The following PXDNL variants were observed in gnomAD, a reference collection of about 807,000 sequenced individuals.
PXDNL encodes peroxidasin like, also known as probable oxidoreductase PXDNL.
PXDNL carries 145 observed loss-of-function variants against 150.8 expected under a neutral mutation model. That is an observed-to-expected ratio of 0.96 (90% confidence interval 0.84 to 1.10). The LOEUF (loss-of-function observed/expected upper bound fraction) is 1.10, where lower values mean the gene tolerates loss of function less well. Among genes scored for constraint, PXDNL ranks in the 50% least tolerant of loss-of-function variants. The probability of loss-of-function intolerance (pLI) is 0.00; values close to 1 mark genes in which losing one functional copy is unlikely to be tolerated. For missense variants in PXDNL, 2,087 were observed against 1,873.9 expected, an observed-to-expected ratio of 1.11 and a Z score of -2.10; for synonymous variants, 757 against 725.7, an observed-to-expected ratio of 1.04 and a Z score of -0.69.
chr8:51,588,316 A>C (rs1813370801), intron 3 of PXDNL, among the ~76,000 whole-genome samples: 1 of 152,234 alleles, frequency 6.6e-6, no homozygotes, highest in Non-Finnish European at 1.5e-5. Flanking sequence ...GTTACTTGGC[A>C]ATGTTATTGA....
chr8:51,611,447 T>C (rs1813998171), intron 2 of PXDNL, among the ~76,000 whole-genome samples: 1 of 152,376 alleles, frequency 6.6e-6, no homozygotes, highest in Non-Finnish European at 1.5e-5. Context: ...TATTTTATGA[T>C]AAATGTTTAA....
intron 4 of PXDNL, among the ~76,000 whole-genome samples, chr8:51,536,917 T>C (rs1246309230): frequency 1.3e-5 from 2 of 152,188 alleles, no homozygotes; most frequent in Non-Finnish European, 2.9e-5. Context: ...CTGAACTCAA[T>C]GTTTATAAAA....
At chr8:51,699,944 G>T (rs1816218108) in intron 1 of PXDNL, among the ~76,000 whole-genome samples, 1 of 152,062 alleles carries the variant, frequency 6.6e-6, no homozygotes, top group South Asian at 2.1e-4. Flanking sequence ...AAAGACCACT[G>T]ACCACAGACC....
At chr8:51,662,094 A>T (rs1815284672) in intron 1 of PXDNL, among the ~76,000 whole-genome samples, 1 of 152,186 alleles carries the variant, frequency 6.6e-6, no homozygotes, top group South Asian at 2.1e-4. Flanking sequence ...AGGAGAGCTG[A>T]GACTTGCTCT....
At chr8:51,679,907 CAT>C (rs1368068240) in intron 1 of PXDNL, among the ~76,000 whole-genome samples, 1 of 152,204 alleles carries the variant, frequency 6.6e-6, no homozygotes, top group Admixed American at 6.5e-5. Flanking sequence ...TTTGTGCACT[CAT>C]AACTCTCTCC....
chr8:51,537,826 G>A (rs1466878348), intron 4 of PXDNL, among the ~76,000 whole-genome samples: 4 of 151,618 alleles, frequency 2.6e-5, no homozygotes, highest in Non-Finnish European at 5.9e-5. Flanking sequence ...TTCATGCGGT[G>A]CCCAAAAAAG....
At chr8:51,554,537 C>T (rs1206507794) in intron 4 of PXDNL, among the ~76,000 whole-genome samples, 4 of 152,134 alleles carry the variant, frequency 2.6e-5, no homozygotes, top group Non-Finnish European at 5.9e-5. Context: ...ATCTTTAAAT[C>T]ATTCATCTCT....
intron 2 of PXDNL, among the ~76,000 whole-genome samples, chr8:51,652,063 G>T (rs932378041): frequency 5.3e-5 from 8 of 152,028 alleles, no homozygotes. Context: ...CAATGTGGTT[G>T]GCATTTTTTT....
intron 5 of PXDNL, among the ~76,000 whole-genome samples, chr8:51,493,216 A>C (rs1387294928): frequency 6.6e-6 from 1 of 152,224 alleles, no homozygotes; most frequent in African/African-American, 2.4e-5. Flanking sequence ...CCTGCAGCTG[A>C]GGGTCCTGAC....
chr8:51,694,478 G>A (rs952713105), intron 1 of PXDNL, among the ~76,000 whole-genome samples: 2 of 152,202 alleles, frequency 1.3e-5, no homozygotes, highest in Non-Finnish European at 2.9e-5. Flanking sequence ...AGGTGCCCAC[G>A]TTCTCACATT....
At chr8:51,601,654 T>C (rs138884587) in intron 2 of PXDNL, among the ~76,000 whole-genome samples, 1,730 of 152,200 alleles carry the variant, frequency 0.011, 14 homozygotes, top group South Asian at 0.026. Context: ...TAGATGGGTC[T>C]TCTTTTTTTA....
intron 2 of PXDNL, among the ~76,000 whole-genome samples, chr8:51,654,243 T>A (rs1815103384): frequency 6.6e-6 from 1 of 152,244 alleles, no homozygotes; most frequent in Admixed American, 6.5e-5. Context: ...TTTAAGACTA[T>A]CATAAAACAG....
At chr8:51,629,759 G>A (rs1248432868) in intron 2 of PXDNL, among the ~76,000 whole-genome samples, 3 of 152,040 alleles carry the variant, frequency 2.0e-5, no homozygotes, top group Non-Finnish European at 4.4e-5. Flanking sequence ...GAAGGAAACA[G>A]AATGACATTT....
chr8:51,709,348 G>A (rs577731480), intron 1 of PXDNL, among the ~76,000 whole-genome samples: 12 of 151,638 alleles, frequency 7.9e-5, no homozygotes, highest in Admixed American at 2.0e-4. Context: ...TCCGCCTCCC[G>A]GGTTCACGCC....
chr8:51,569,685 T>A lies in PXDNL; in HGVS notation c.309-12774A>T, dbSNP rs1015224089. On this transcript the variant is annotated intron_variant, in intron 3 of 22. Coordinates refer to ENST00000356297, the MANE Select transcript of PXDNL (RefSeq NM_144651.5). Reference sequence around the variant, plus strand: ...ATTATCATATTTACTCATCATATTTTTTTCAAATCATTCAAATATTTTAAA... The same window carrying A: ...ATTATCATATTTACTCATCATATTTATTTCAAATCATTCAAATATTTTAAA... 6.6e-5 allele frequency among the ~76,000 whole-genome samples: 10 copies of A among 152,054 alleles called. No homozygotes were observed. The East Asian group carries it at 1.7e-3, about 27-fold the overall frequency.
At chr8:51,735,416 C>G (rs1817011315) in intron 1 of PXDNL, among the ~76,000 whole-genome samples, 2 of 151,196 alleles carry the variant, frequency 1.3e-5, no homozygotes, top group Non-Finnish European at 2.9e-5. Context: ...ACCCTGAAGG[C>G]AGAGGTTGCA....
chr8:51,558,634 A>C (rs1308547687), intron 3 of PXDNL, among the ~76,000 whole-genome samples: 2 of 152,144 alleles, frequency 1.3e-5, no homozygotes, highest in Admixed American at 6.6e-5. Context: ...AAGGTTTCCC[A>C]TAATATTTTA....
chr8:51,596,200 T>C (rs2130665699), intron 2 of PXDNL, among the ~76,000 whole-genome samples: 1 of 152,310 alleles, frequency 6.6e-6, no homozygotes, highest in African/African-American at 2.4e-5. Context: ...GACTTCCAGA[T>C]GCATCCATGT....
At position 51,374,659 on chromosome 8, in the gene PXDNL, T is replaced by A. The variant is rs1439550141; in HGVS notation, c.3630A>T (p.Arg1210Ser). The change falls in exon 18 of 23, where the codon AGA (arginine) becomes AGT (serine). Residue 1210 changes from arginine to serine, a missense_variant. Arg to Ser is a moderately radical substitution (Grantham distance 110). Coordinates refer to ENST00000356297, the MANE Select transcript of PXDNL (RefSeq NM_144651.5). ...LMVEDLIPGT[R>S]VGPTLMCLFV... is the part of the protein sequence containing the mutation. The stretch of plus-strand genomic sequence containing the variant: ...ACAGGCACATAAGTGTTGGTCCCAC[T>A]CTTGTACCAGGAATCAGGTCTTCAA... 7 of 1,613,822 alleles carry A rather than the reference T, an allele frequency of 4.3e-6. No homozygotes were observed. Among genetic ancestry groups the A allele is most frequent in the Admixed American group, 3.3e-5 (2 of 60,010 alleles).
Sources: allele counts gnomAD v4.1 joint callset (sites outside exome capture counted in the v4.1 genomes callset), GRCh38; gene constraint gnomAD v4.1.1; transcripts MANE v1.5; gene names NCBI Gene and HGNC (gene_info 2026-07-23, HGNC 2026-07-21).